Variants in CCDC83 observed in about 807,000 individuals in gnomAD.
The protein encoded by CCDC83 is coiled-coil domain containing 83.
In CCDC83, 54 loss-of-function variants were observed where a neutral mutation model predicts 50.1. That is an observed-to-expected ratio of 1.08 (90% CI 0.87 to 1.35). The LOEUF (loss-of-function observed/expected upper bound fraction) is 1.35. Among genes scored for constraint, CCDC83 ranks in the 40% most tolerant of loss-of-function variants. The pLI is 0.00. For missense variants in CCDC83, 518 were observed against 473.9 expected, an observed-to-expected ratio of 1.09 and a Z score of -0.86; for synonymous variants, 161 against 153.3, an observed-to-expected ratio of 1.05 and a Z score of -0.37.
rs1389715316 is a variant in CCDC83 at position 85,916,048 on chromosome 11, C to T, written c.895C>T (p.Pro299Ser). Reference protein sequence around the residue: ...THIEEKSELQPTEVESRDLMS... With the variant: ...THIEEKSELQSTEVESRDLMS... ...CCAAGAAGAGAAGTCAGAATTGCAA[C>T]CCACAGAAGTAGAAAGTAGAGACTT... The change falls in exon 10 of 11, where the codon CCC (proline) becomes TCC (serine). Residue 299 changes from proline (P) to serine (S), a missense_variant. Physicochemically the swap from Pro to Ser is moderately conservative, Grantham distance 74. Transcript: ENST00000342404. The T allele has an allele frequency of 6.2e-7, 1 of 1,609,748 alleles. No individual in the cohort carries two copies. Among genetic ancestry groups the T allele is most frequent in the African/African-American group, 1.3e-5 (1 of 74,880 alleles).
intron 8 of CCDC83, chr11:85,912,826 C>T: frequency 2.4e-6 from 2 of 832,394 alleles, no homozygotes; most frequent in East Asian, 2.4e-5. Context: ...AAAGAGATAC[C>T]CTCTAAACTG....
rs2093473573 is a variant in CCDC83 at position 85,915,517 on chromosome 11, AATG to A, written c.874+28_874+30del. The A allele has an allele frequency of 6.5e-7, 1 of 1,541,448 alleles. No individual in the cohort carries two copies. Among genetic ancestry groups the A allele is most frequent in the Admixed American group, 1.9e-5 (1 of 53,360 alleles). Reference sequence around the variant, plus strand: ...CATATAGGTATTACTTTATTGCAATAATGATGATGATTTTTTTCAAACTCTTGT... The same window carrying A: ...CATATAGGTATTACTTTATTGCAATAATGATGATTTTTTTCAAACTCTTGT... On this transcript the variant is annotated intron_variant, in intron 9 of 10. Transcript: ENST00000342404.
At chr11:85,896,801 C>T (rs968101245) in intron 6 of CCDC83, among the ~76,000 whole-genome samples, 5 of 150,080 alleles carry the variant, frequency 3.3e-5, no homozygotes, top group African/African-American at 1.2e-4. Context: ...TCTCTTCAAA[C>T]TATCTGCAAA....
chr11:85,910,758 T>C lies in CCDC83; in HGVS notation c.673-523T>C, dbSNP rs2093449928. Among the ~76,000 whole-genome samples the C allele has an allele frequency of 2.0e-5, 3 of 152,194 alleles. No individual in the cohort carries two copies. In the South Asian group the frequency reaches 6.2e-4, roughly 32 times the overall value. ...ACAAGTTCTGCTGATGATCTAAAAA[T>C]GATTTCCACCTATTCCTTTTAAGGG... On this transcript the variant is annotated intron_variant, in intron 7 of 10. Transcript: ENST00000342404.
chr11:85,857,087 T>C (rs1444814560), intron 1 of CCDC83, among the ~76,000 whole-genome samples: 1 of 152,190 alleles, frequency 6.6e-6, no homozygotes, highest in African/African-American at 2.4e-5. Context: ...ACCACCAGCA[T>C]GTCTGACAAA....
At chr11:85,858,996 G>C (rs2093159002) in intron 1 of CCDC83, among the ~76,000 whole-genome samples, 1 of 151,966 alleles carries the variant, frequency 6.6e-6, no homozygotes, top group Admixed American at 6.6e-5. Context: ...GAGGTTGAGA[G>C]GGGCCATAAA....
In CCDC83 at chr11:85,886,206, G is replaced by T. The variant is rs553174518; in HGVS notation, c.350G>T (p.Arg117Leu). 1 of 1,572,622 alleles carries T rather than the reference G, an allele frequency of 6.4e-7. No homozygotes were observed. The highest frequency in any genetic ancestry group is 1.2e-5 in the South Asian group (1 of 83,400). The change falls in exon 5 of 11, where the codon CGC (arginine) becomes CTC (leucine). Residue 117 changes from arginine (R) to leucine (L), a missense_variant. Transcript: ENST00000342404. ...GTGTCTTTATTTTCAACAGATATGC[G>T]CATGCAAATAAGTAATGCTGAGAAA... ...RDQEKNLRDM[R>L]MQISNAEKLF... is the part of the protein sequence containing the mutation.
intron 7 of CCDC83, among the ~76,000 whole-genome samples, chr11:85,904,029 A>C (rs1374386902): frequency 6.6e-6 from 1 of 151,898 alleles, no homozygotes; most frequent in Admixed American, 6.6e-5. Flanking sequence ...AAATTAATTA[A>C]AAAAATAAAA....
At chr11:85,900,453 T>A (rs1195221885) in intron 7 of CCDC83, among the ~76,000 whole-genome samples, 2 of 152,272 alleles carry the variant, frequency 1.3e-5, no homozygotes, top group East Asian at 3.9e-4. Flanking sequence ...TGCCTTCTCA[T>A]CCTTTGGGAT....
At position 85,886,303 on chromosome 11, in the gene CCDC83, T is replaced by C; in HGVS notation, c.447T>C (p.Ala149=). Residue 149 remains alanine, a synonymous_variant, in exon 5 of 11, where the codon GCT becomes GCC. Coordinates refer to ENST00000342404, the MANE Select transcript of CCDC83 (RefSeq NM_001286159.2). ...AGAATGTAGGGAGTGAACGACATGC[T>C]AAACTCATTACCTCCTTACAAAATG... ...EYKNVGSERH[A]KLITSLQNDI... 5.6e-6 allele frequency: 9 copies of C among 1,610,400 alleles called. No individual in the cohort carries two copies. The highest frequency in any genetic ancestry group is 7.6e-6 in the Non-Finnish European group (9 of 1,178,760).
intron 5 of CCDC83, among the ~76,000 whole-genome samples, chr11:85,894,126 A>G (rs1033262031): frequency 6.6e-6 from 1 of 152,102 alleles, no homozygotes; most frequent in African/African-American, 2.4e-5. Context: ...CCCCTCTGCC[A>G]CCCAGTCTGG....
Position 85,916,176 on chromosome 11 carries a change from A to G in CCDC83, c.1023A>G (p.Thr341=). 1 of 1,613,166 alleles carries G rather than the reference A, an allele frequency of 6.2e-7. No individual in the cohort carries two copies. Among genetic ancestry groups the G allele is most frequent in the Non-Finnish European group, 8.5e-7 (1 of 1,179,288 alleles). Residue 341 remains threonine (T), a synonymous_variant, in exon 10 of 11, where the codon ACA becomes ACG. Coordinates refer to ENST00000342404, the MANE Select transcript of CCDC83 (RefSeq NM_001286159.2). ...TAGATAAAGAGGAAAACTCAGGCAC[A>G]GAGTTTGGGGACACTGATATGAAGT... ...VKIDKEENSG[T]EFGDTDMKYL...
chr11:85,865,267 C>G (rs777464406), intron 2 of CCDC83, 49 bp downstream of exon 2: 2 of 1,119,556 alleles, frequency 1.8e-6, no homozygotes, highest in Non-Finnish European at 2.7e-6. Context: ...AAAAGGCAGT[C>G]ATTGTTAAGA....
Position 85,888,667 on chromosome 11 carries a change from T to A in CCDC83, c.511+2300T>A, listed in dbSNP as rs368108634. Among the ~76,000 whole-genome samples the A allele has an allele frequency of 8.5e-5, 13 of 152,312 alleles. No homozygotes were observed. In the East Asian group the frequency reaches 2.3e-3, roughly 27 times the overall value. On this transcript the variant is annotated intron_variant, in intron 5 of 10. Transcript: ENST00000342404. ...TTACGTTTATGAGATTATGAATGAA[T>A]TCTCCAATATTTTATTCTAAAATTT...
At chr11:85,873,539 A>C (rs1461851084) in intron 3 of CCDC83, among the ~76,000 whole-genome samples, 1 of 152,206 alleles carries the variant, frequency 6.6e-6, no homozygotes, top group Admixed American at 6.5e-5. Context: ...CCCTGAAGAC[A>C]CTGAATCTTA....
chr11:85,873,804 C>T (rs1279679060), intron 3 of CCDC83, among the ~76,000 whole-genome samples: 1 of 152,070 alleles, frequency 6.6e-6, no homozygotes, highest in Non-Finnish European at 1.5e-5. Context: ...ATATGACTAT[C>T]GGGACTAAAG....
intron 8 of CCDC83, chr11:85,912,573 G>A (rs1040603771): frequency 1.1e-5 from 9 of 832,098 alleles, no homozygotes; most frequent in African/African-American, 3.3e-5. Context: ...ATGCCCTAGA[G>A]GGCCCCTAGG....
chr11:85,909,810 T>C (rs542514603), intron 7 of CCDC83, among the ~76,000 whole-genome samples: 1 of 152,096 alleles, frequency 6.6e-6, no homozygotes, highest in South Asian at 2.1e-4. Context: ...CATTTTTTCC[T>C]ATTTGAATTA....
At chr11:85,919,072 T>C (rs2093496402) in intron 10 of CCDC83, among the ~76,000 whole-genome samples, 1 of 152,234 alleles carries the variant, frequency 6.6e-6, no homozygotes, top group Non-Finnish European at 1.5e-5. Flanking sequence ...CCCTCCCCCA[T>C]TAACCCACTA....
Sources: gnomAD v4.1 joint callset for allele counts (sites outside exome capture counted in the v4.1 genomes callset) on GRCh38, gnomAD v4.1.1 for gene constraint, MANE v1.5 for transcripts, NCBI Gene and HGNC (gene_info 2026-07-23, HGNC 2026-07-21) for gene names.